Variants in TMEM163 observed in about 807,000 individuals in gnomAD.
The protein encoded by TMEM163 is transmembrane protein 163.
TMEM163 carries 17 observed loss-of-function variants against 29.3 expected under a neutral mutation model. The ratio of observed to expected loss-of-function variants is 0.58; its 90% CI spans 0.40 to 0.87. The LOEUF (loss-of-function observed/expected upper bound fraction) is 0.87, where lower values mean the gene tolerates loss of function less well. TMEM163 is among the 40% of genes least tolerant of loss of function. The pLI is 0.00. For missense variants in TMEM163, 303 were observed against 381.5 expected, an observed-to-expected ratio of 0.79 and a Z score of 1.71; for synonymous variants, 157 against 160.6, an observed-to-expected ratio of 0.98 and a Z score of 0.17.
At chr2:134,642,085 G>A (rs1432199855) in intron 2 of TMEM163, among the ~76,000 whole-genome samples, 3 of 151,408 alleles carry the variant, frequency 2.0e-5, no homozygotes, top group Non-Finnish European at 4.4e-5. Context: ...CATGAAAAAA[G>A]AACTGAAAAA....
At chr2:134,568,580 AAAAGAAGGAAAAGAAAAAGGAAAG>A (rs995255633) in intron 2 of TMEM163, among the ~76,000 whole-genome samples, 2 of 151,514 alleles carry the variant, frequency 1.3e-5, no homozygotes, top group Non-Finnish European at 2.9e-5. Flanking sequence ...AAAGAAAAAG[AAAAGAAGGAAAAGAAAAAGGAAAG>A]AAAGAAGGAA....
chr2:134,668,125 A>C (rs1304055031), intron 2 of TMEM163, among the ~76,000 whole-genome samples: 2 of 152,250 alleles, frequency 1.3e-5, no homozygotes, highest in Non-Finnish European at 2.9e-5. Flanking sequence ...GAAATGGTCC[A>C]AAAGTAGCAA....
chr2:134,695,107 C>T (rs1358269066), intron 2 of TMEM163, among the ~76,000 whole-genome samples: 1 of 152,128 alleles, frequency 6.6e-6, no homozygotes, highest in Non-Finnish European at 1.5e-5. Flanking sequence ...GACGGAGTCT[C>T]GCTCTGTCAC....
intron 6 of TMEM163, among the ~76,000 whole-genome samples, chr2:134,461,033 CA>C (rs1461220428): frequency 9.1e-4 from 138 of 152,318 alleles, no homozygotes; most frequent in African/African-American, 3.2e-3. Context: ...AGGGCCTTCC[CA>C]ATCCGTCATT....
intron 5 of TMEM163, among the ~76,000 whole-genome samples, chr2:134,473,606 C>T (rs1266766050): frequency 6.6e-6 from 1 of 150,742 alleles, no homozygotes; most frequent in African/African-American, 2.4e-5. Context: ...ATCAATAAAA[C>T]CAAAGACCTT....
At chr2:134,465,253 C>T (rs1011423386) in intron 6 of TMEM163, among the ~76,000 whole-genome samples, 2 of 149,250 alleles carry the variant, frequency 1.3e-5, no homozygotes, top group South Asian at 2.1e-4. Context: ...TACACACACA[C>T]GTGTGTATAA....
At chr2:134,689,751 T>C (rs745580879) in intron 2 of TMEM163, among the ~76,000 whole-genome samples, 1 of 152,228 alleles carries the variant, frequency 6.6e-6, no homozygotes, top group Non-Finnish European at 1.5e-5. Flanking sequence ...TGACCAAATG[T>C]TATGGCTTCC....
At chr2:134,681,077 AG>A (rs1230000775) in intron 2 of TMEM163, among the ~76,000 whole-genome samples, 2 of 152,186 alleles carry the variant, frequency 1.3e-5, no homozygotes, top group Non-Finnish European at 2.9e-5. Flanking sequence ...GGGTCATTCA[AG>A]GGTGCCTTAA....
intron 5 of TMEM163, among the ~76,000 whole-genome samples, chr2:134,492,020 A>C (rs983913714): frequency 6.6e-6 from 1 of 152,200 alleles, no homozygotes; most frequent in African/African-American, 2.4e-5. Flanking sequence ...CTGGCACTTC[A>C]TGGGTGTTTC....
chr2:134,561,019 T>G (rs143803577), intron 2 of TMEM163, among the ~76,000 whole-genome samples: 1 of 152,334 alleles, frequency 6.6e-6, no homozygotes, highest in Admixed American at 6.5e-5. Flanking sequence ...ACTGTGCTGC[T>G]TCTTCAGTCT....
At chr2:134,604,253 C>T (rs1682300235) in intron 2 of TMEM163, among the ~76,000 whole-genome samples, 1 of 152,118 alleles carries the variant, frequency 6.6e-6, no homozygotes, top group African/African-American at 2.4e-5. Context: ...ACAGGGAAAG[C>T]TGGGGATGCC....
intron 2 of TMEM163, among the ~76,000 whole-genome samples, chr2:134,596,195 T>C (rs1281934418): frequency 5.3e-5 from 8 of 152,336 alleles, no homozygotes; most frequent in African/African-American, 1.9e-4. Flanking sequence ...CCCACGCCTA[T>C]GTCCTGAATG....
Position 134,480,819 on chromosome 2 carries a change from G to T in TMEM163, c.556-14594C>A, listed in dbSNP as rs1399868538. The stretch of plus-strand genomic sequence containing the variant: ...ACCCTGCCTCCAAAATGTATCTAGG[G>T]ATTAAGAGTTTTTTAATTATTATAT... On this transcript the variant is annotated intron_variant, in intron 5 of 7. Coordinates refer to ENST00000281924, the MANE Select transcript of TMEM163 (RefSeq NM_030923.5). 5.2e-5 allele frequency among the ~76,000 whole-genome samples: 5 copies of T among 96,152 alleles called. No homozygotes were observed. In the East Asian group the frequency reaches 3.0e-3, roughly 57 times the overall value. 63.1% of individuals were successfully genotyped at this position (96,152 alleles called of 152,430 possible).
chr2:134,664,500 G>T (rs1478562212), intron 2 of TMEM163, among the ~76,000 whole-genome samples: 1 of 152,210 alleles, frequency 6.6e-6, no homozygotes, highest in East Asian at 1.9e-4. Flanking sequence ...ACATTACCTT[G>T]TAGGGGAAAA....
intron 5 of TMEM163, among the ~76,000 whole-genome samples, chr2:134,494,754 G>A (rs1679508766): frequency 6.6e-6 from 1 of 152,142 alleles, no homozygotes; most frequent in African/African-American, 2.4e-5. Context: ...AAGAAACTGA[G>A]GCAGAGAGAG....
At chr2:134,542,648 C>G (rs373110679) in intron 4 of TMEM163, among the ~76,000 whole-genome samples, 1 of 152,204 alleles carries the variant, frequency 6.6e-6, no homozygotes, top group East Asian at 1.9e-4. Flanking sequence ...AACCATCCCC[C>G]ACCCAACCCC....
At chr2:134,635,423 C>G (rs894837727) in intron 2 of TMEM163, among the ~76,000 whole-genome samples, 1 of 152,168 alleles carries the variant, frequency 6.6e-6, no homozygotes, top group East Asian at 1.9e-4. Flanking sequence ...CCTTCTCTAT[C>G]CCTCTTCCAT....
intron 2 of TMEM163, among the ~76,000 whole-genome samples, chr2:134,585,681 G>A (rs191304549): frequency 3.3e-5 from 5 of 151,590 alleles, no homozygotes; most frequent in Non-Finnish European, 1.5e-5. Flanking sequence ...GGCGGAGCTT[G>A]CAGTGAGTCT....
intron 6 of TMEM163, 102 bp from the exon 7 acceptor site, chr2:134,458,275 A>G: frequency 1.4e-6 from 2 of 1,427,318 alleles, no homozygotes; most frequent in East Asian, 4.8e-5. Context: ...ATGTGCTGGG[A>G]GGAATGATGC....
Sources: gnomAD v4.1 joint callset for allele counts (sites outside exome capture counted in the v4.1 genomes callset) on GRCh38, gnomAD v4.1.1 for gene constraint, MANE v1.5 for transcripts, NCBI Gene and HGNC (gene_info 2026-07-23, HGNC 2026-07-21) for gene names.